DHX37: variants seen among roughly 807,000 people sequenced by gnomAD.
DHX37 encodes DEAH-box helicase 37.
Under a neutral mutation model 134.3 loss-of-function variants are expected in DHX37, and 52 were observed. The ratio of observed to expected loss-of-function variants is 0.39; its 90% CI spans 0.31 to 0.49. The LOEUF (loss-of-function observed/expected upper bound fraction) is 0.49, where lower values mean the gene tolerates loss of function less well. DHX37 is among the 20% of genes least tolerant of loss of function. The pLI is 0.93. For synonymous variants in DHX37, 634 were observed against 670.7 expected (o/e 0.95, Z 0.85); for missense variants, 1,344 against 1,580.8 (o/e 0.85, Z 2.54).
At chr12:124,964,195 C>CAAAAA (rs397692928) in intron 15 of DHX37, among the ~76,000 whole-genome samples, 199 bp downstream of exon 15, 59 of 57,306 alleles carry the variant, frequency 1.0e-3, no homozygotes, top group East Asian at 2.9e-3. Flanking sequence ...AACTCCATCT[C>CAAAAA]AAAAAAAAAA....
In DHX37 at chr12:124,949,450, C is replaced by A. The variant is rs957865756; in HGVS notation, c.3290+536G>T. 6.9e-6 allele frequency among the ~76,000 whole-genome samples: 1 copy of A among 143,932 alleles called. No homozygotes were observed. Among genetic ancestry groups the A allele is most frequent in the African/African-American group, 2.5e-5 (1 of 40,636 alleles). The allele number at this position is 143,932 out of a possible 152,430, so 94.4% of individuals were successfully genotyped here. On this transcript the variant is annotated intron_variant, in intron 25 of 26. Transcript: ENST00000308736. The surrounding 1 kb of genome is among the most constrained non-coding windows in gnomAD (Gnocchi z 4.0). ...TGAGCCCTGAAGCAGAGGTGGTGGGCGGGATGGGGCAGGGGTCTGCTTAGC... is the reference window on the plus strand; with the variant it reads ...TGAGCCCTGAAGCAGAGGTGGTGGGAGGGATGGGGCAGGGGTCTGCTTAGC...
chr12:124,982,463 G>C, intron 3 of DHX37, 48 bp downstream of exon 3: 1 of 1,604,088 alleles, frequency 6.2e-7, no homozygotes, highest in Non-Finnish European at 8.5e-7. Context: ...GCCCTCCCTA[G>C]GGGGCCCTGG....
chr12:124,952,413 C>A lies in DHX37; in HGVS notation c.2853G>T (p.Trp951Cys). ...GGGGCCGCACCTTGTAGGCGTTCCT[C>A]CACTTGTCCTCCAGCATCTCCTCGC... ...VQSEEMLEDKWRNAYKTPLLD... is the reference protein window; with the variant it reads ...VQSEEMLEDKCRNAYKTPLLD... The change falls in exon 21 of 27, where the codon TGG becomes TGT. Residue 951 changes from tryptophan (W) to cysteine (C), a missense_variant. Trp to Cys is a radical substitution (Grantham distance 215). This residue lies in a region of DHX37 where 558 missense variants were observed against 650.0 expected (regional missense o/e 0.86). Coordinates refer to ENST00000308736, the MANE Select transcript of DHX37 (RefSeq NM_032656.4). 6.2e-7 allele frequency: 1 copy of A among 1,609,868 alleles called. No individual in the cohort carries two copies.
At chr12:124,953,814 A>C in intron 20 of DHX37, 66 bp downstream of exon 20, 1 of 1,578,186 alleles carries the variant, frequency 6.3e-7, no homozygotes, top group East Asian at 2.3e-5. Context: ...TCACTTTTTT[A>C]AACATTTCAA....
At position 124,986,361 on chromosome 12, in the gene DHX37, C is replaced by T. The variant is rs186535679; in HGVS notation, c.107-96G>A. 6.7e-6 allele frequency: 9 copies of T among 1,347,354 alleles called. No individual in the cohort carries two copies. The East Asian group carries it at 2.1e-4, about 31-fold the overall frequency. The allele number at this position is 1,347,354 out of a possible 1,614,324, so 83.5% of individuals were successfully genotyped here. ...TGACTTGCATGGGGGCCTCCTGAGTCTGCACACAGGAACAGGGGGATCTGT... is the reference window on the plus strand; with the variant it reads ...TGACTTGCATGGGGGCCTCCTGAGTTTGCACACAGGAACAGGGGGATCTGT... On this transcript the variant is annotated intron_variant, in intron 1 of 26. Coordinates refer to ENST00000308736, the MANE Select transcript of DHX37 (RefSeq NM_032656.4).
intron 9 of DHX37, 79 bp downstream of exon 9, chr12:124,968,788 G>A (rs1954452893): frequency 6.3e-7 from 1 of 1,597,916 alleles, no homozygotes; most frequent in Non-Finnish European, 8.5e-7. Flanking sequence ...GTGACCAAGT[G>A]AGGTCTCTCA....
intron 6 of DHX37, among the ~76,000 whole-genome samples, chr12:124,974,488 G>A (rs1006316379): frequency 3.1e-4 from 28 of 91,582 alleles, no homozygotes; most frequent in African/African-American, 1.4e-3. Context: ...CCCCCAACTG[G>A]CATGCTGACC....
intron 20 of DHX37, chr12:124,953,288 G>A (rs936163318): frequency 2.0e-5 from 3 of 153,626 alleles, no homozygotes; most frequent in Non-Finnish European, 4.3e-5. Context: ...GGATCGGCCG[G>A]AAGAGAGCCA....
intron 6 of DHX37, among the ~76,000 whole-genome samples, chr12:124,973,807 A>G (rs1265442893): frequency 6.6e-6 from 1 of 151,714 alleles, no homozygotes; most frequent in South Asian, 2.1e-4. Flanking sequence ...CACCCAGCTA[A>G]TTTTTTTGTA....
At chr12:124,958,067 G>A (rs920556993) in intron 16 of DHX37, among the ~76,000 whole-genome samples, 2 of 152,154 alleles carry the variant, frequency 1.3e-5, no homozygotes, top group Non-Finnish European at 2.9e-5. Context: ...AGAGGAGTGG[G>A]CACAGGGGCC....
intron 15 of DHX37, among the ~76,000 whole-genome samples, chr12:124,961,082 T>TG (rs11430522): frequency 0.37 from 56,046 of 152,204 alleles, 10,748 homozygotes; most frequent in East Asian, 0.64. Context: ...TTTCTACTTT[T>TG]TAACTAACAT....
rs756498981 is a variant in DHX37 at position 124,950,647 on chromosome 12, C to T, written c.2983+43G>A. ...AGGGTCCCAGCCACACCCCCATTAGCGTCACCATCGGGGGACAAGGGGCTG... is the reference window on the plus strand; with the variant it reads ...AGGGTCCCAGCCACACCCCCATTAGTGTCACCATCGGGGGACAAGGGGCTG... On this transcript the variant is annotated intron_variant, in intron 22 of 26. Transcript: ENST00000308736. 2.3e-5 allele frequency: 37 copies of T among 1,602,292 alleles called. No individual in the cohort carries two copies. In the Admixed American group the frequency reaches 2.4e-4, roughly 10 times the overall value.
intron 13 of DHX37, 51 bp downstream of exon 13, chr12:124,965,617 C>T (rs1298383935): frequency 6.5e-7 from 1 of 1,541,500 alleles, no homozygotes; most frequent in East Asian, 2.3e-5. Context: ...CTGGGCACAT[C>T]CTCAGGGCAG....
intron 4 of DHX37, among the ~76,000 whole-genome samples, chr12:124,978,318 GTATTTATT>G (rs1954685798): frequency 6.6e-6 from 1 of 151,246 alleles, no homozygotes; most frequent in Non-Finnish European, 1.5e-5. Flanking sequence ...TCCACTTGTT[GTATTTATT>G]TACTTTTTGA....
chr12:124,982,079 C>T (rs1279884766), intron 3 of DHX37, among the ~76,000 whole-genome samples: 4 of 151,016 alleles, frequency 2.6e-5, no homozygotes, highest in South Asian at 2.1e-4. Flanking sequence ...GCTGAGATCA[C>T]GCCATTGCAC....
rs769651357 is a variant in DHX37 at position 124,948,063 on chromosome 12, C to T, written c.3388+21G>A. On this transcript the variant is annotated intron_variant, in intron 26 of 26. Transcript: ENST00000308736. ...GACCCCATCCTGTCTACTCCCACCC[C>T]CTGGCCCTGGTCAAACTCACATTTG... is the stretch of plus-strand genomic sequence containing the variant. The T allele has an allele frequency of 3.1e-6, 5 of 1,614,248 alleles. No homozygotes were observed. The Admixed American group carries it at 5.0e-5, about 16-fold the overall frequency.
chr12:124,982,080 G>A (rs992289404), intron 3 of DHX37, among the ~76,000 whole-genome samples: 1 of 149,890 alleles, frequency 6.7e-6, no homozygotes, highest in African/African-American at 2.5e-5. Context: ...CTGAGATCAC[G>A]CCATTGCACT....
intron 5 of DHX37, 49 bp from the exon 6 acceptor site, chr12:124,975,560 C>T: frequency 1.3e-6 from 2 of 1,584,160 alleles, no homozygotes; most frequent in Non-Finnish European, 8.6e-7. Flanking sequence ...CCCACCTGTT[C>T]ATGCCAAAGC....
intron 15 of DHX37, among the ~76,000 whole-genome samples, chr12:124,961,999 G>C (rs1954275497): frequency 6.6e-6 from 1 of 152,116 alleles, no homozygotes. Context: ...CTCAGGACCA[G>C]GGCAGGGCTG....
Sources: gnomAD v4.1 joint callset for allele counts (sites outside exome capture counted in the v4.1 genomes callset) on GRCh38, gnomAD v4.1.1 for gene constraint, gnomAD v4.1.1 regional missense constraint, Gnocchi (gnomAD v3.1) non-coding constraint, MANE v1.5 for transcripts, NCBI Gene and HGNC (gene_info 2026-07-23, HGNC 2026-07-21) for gene names.